Variants in RPS27L observed in about 807,000 individuals in gnomAD.
RPS27L encodes the protein ribosomal protein S27 like.
Under a neutral mutation model 12.8 loss-of-function variants are expected in RPS27L, and 10 were observed. The ratio of observed to expected loss-of-function variants is 0.78; its 90% confidence interval spans 0.48 to 1.33. The LOEUF (loss-of-function observed/expected upper bound fraction) is 1.33. Among genes scored for constraint, RPS27L ranks in the 40% most tolerant of loss-of-function variants. The pLI, the probability that RPS27L is intolerant of heterozygous loss-of-function variation, is 0.00. For missense variants in RPS27L, 81 were observed against 97.4 expected (o/e 0.83, Z 0.71); for synonymous variants, 26 against 32.3 (o/e 0.81, Z 0.66).
chr15:63,156,308 A>G, intron 2 of RPS27L, 105 bp downstream of exon 2: 1 of 608,300 alleles, frequency 1.6e-6, no homozygotes, highest in Non-Finnish European at 2.9e-6. Context: ...CTGTAATCCC[A>G]CTTCTACTCA....
chr15:63,157,381 C>A lies in RPS27L; in HGVS notation c.6+19G>T, dbSNP rs760820120. ...AAAGAAGCCCAAAACAAACCCGGAG[C>A]CCGATGTAAACAACTCACAGGCATG... On this transcript the variant is annotated intron_variant, in intron 1 of 3. Transcript: ENST00000330964. 1 of 1,613,976 alleles carries A rather than the reference C, an allele frequency of 6.2e-7. No homozygotes were observed.
rs1007026874 is a variant in RPS27L at position 63,153,971 on chromosome 15, T to C, written c.*61A>G. On this transcript the variant is annotated 3_prime_UTR_variant, in exon 4 of 4. Coordinates refer to ENST00000330964, the MANE Select transcript of RPS27L (RefSeq NM_015920.4). ...TGGTAAATTAATTAGAATTATGGAA[T>C]TTATGATAAGGCTTTCTGTGAGACA... 1 of 1,359,280 alleles carries C rather than the reference T, an allele frequency of 7.4e-7. No individual in the cohort carries two copies. The highest frequency in any genetic ancestry group is 1.4e-5 in the African/African-American group (1 of 69,284). 84.2% of individuals were successfully genotyped at this position (1,359,280 alleles called of 1,614,324 possible).
At chr15:63,155,598 T>C (rs1222872804) in intron 3 of RPS27L, 23 bp downstream of exon 3, 13 of 1,448,996 alleles carry the variant, frequency 9.0e-6, no homozygotes, top group African/African-American at 1.4e-5. Flanking sequence ...CATCACTGGG[T>C]TGGAGAATGC....
chr15:63,149,416 A>C lies in RPS27L; in HGVS notation c.*4616T>G, dbSNP rs950649971. 2.0e-5 allele frequency: 3 copies of C among 151,964 alleles called. No homozygotes were observed. The highest frequency in any genetic ancestry group is 7.2e-5 in the African/African-American group (3 of 41,396). The allele number at this position is 151,964 out of a possible 1,614,324, so 9.4% of individuals were successfully genotyped here. A position where few individuals can be genotyped will look rare whatever the true frequency, so the allele number is the denominator to read the frequency against. ...ATCTCTACTAAAAATACTTTAAAAAAATTAGCCCGGCGTGGTGGCACACGC... is the reference window on the plus strand; with the variant it reads ...ATCTCTACTAAAAATACTTTAAAAACATTAGCCCGGCGTGGTGGCACACGC... On this transcript the variant is annotated 3_prime_UTR_variant, in exon 4 of 4. Coordinates refer to ENST00000330964, the MANE Select transcript of RPS27L (RefSeq NM_015920.4).
Position 63,152,805 on chromosome 15 carries a change from A to C in RPS27L, c.*1227T>G, listed in dbSNP as rs2037308910. On this transcript the variant is annotated 3_prime_UTR_variant, in exon 4 of 4. Transcript: ENST00000330964. ...CCACTGCGCCCAGCCTTCCTTATAC[A>C]ACTATATACACCCCAAACTTGCCAT... 1 of 152,092 alleles carries C rather than the reference A, an allele frequency of 6.6e-6. No individual in the cohort carries two copies. The highest frequency in any genetic ancestry group is 2.4e-5 in the African/African-American group (1 of 41,368). The allele number at this position is 152,092 out of a possible 1,614,324, so 9.4% of individuals were successfully genotyped here.
chr15:63,156,509 A>C lies in RPS27L; in HGVS notation c.19T>G (p.Leu7Val). The change falls in exon 2 of 4, where the codon TTA (leucine) becomes GTA (valine). Residue 7 changes from leucine (L) to valine (V), a missense_variant. By Grantham distance (32) the Leu-to-Val change is conservative. Coordinates refer to ENST00000330964, the MANE Select transcript of RPS27L (RefSeq NM_015920.4). ...TCCTCTTCCAAGGACGGATGTAGTA[A>C]ATCTCTAGCCAACTGAACAAAGAAG... Reference protein sequence around the residue: MPLARDLLHPSLEEEKK... With the variant: MPLARDVLHPSLEEEKK... The C allele has an allele frequency of 6.2e-7, 1 of 1,600,054 alleles. No individual in the cohort carries two copies. Among genetic ancestry groups the C allele is most frequent in the Non-Finnish European group, 8.6e-7 (1 of 1,169,142 alleles).
chr15:63,155,461 T>C (rs1053802043), intron 3 of RPS27L, 160 bp downstream of exon 3: 4 of 495,548 alleles, frequency 8.1e-6, no homozygotes, highest in Non-Finnish European at 1.5e-5. Flanking sequence ...GTCAAGAGTA[T>C]AAATATATCC....
rs2037288509 is a variant in RPS27L, at chr15:63,149,829, T to C, written c.*4203A>G. ...GGCTCACACCTGTAATGCCAGCACT[T>C]TGGGAGGCTGAGGTGGGCGGATGGC... On this transcript the variant is annotated 3_prime_UTR_variant, in exon 4 of 4. Coordinates refer to ENST00000330964, the MANE Select transcript of RPS27L (RefSeq NM_015920.4). 6.6e-6 allele frequency: 1 copy of C among 152,144 alleles called. No homozygotes were observed. The highest frequency in any genetic ancestry group is 1.5e-5 in the Non-Finnish European group (1 of 68,066). 9.4% of individuals were successfully genotyped at this position (152,144 alleles called of 1,614,324 possible).
In RPS27L at chr15:63,149,733, A is replaced by G. The variant is rs989009605; in HGVS notation, c.*4299T>C. ...ACACCCTAATCCCCAGAACCTACGA[A>G]TATGTTACCTTACATAGCAAAATGG... is the stretch of plus-strand genomic sequence containing the variant. On this transcript the variant is annotated 3_prime_UTR_variant, in exon 4 of 4. Transcript: ENST00000330964. 6.6e-6 allele frequency: 1 copy of G among 152,150 alleles called. No homozygotes were observed. The highest frequency in any genetic ancestry group is 1.5e-5 in the Non-Finnish European group (1 of 68,028). The allele number at this position is 152,150 out of a possible 1,614,324, so 9.4% of individuals were successfully genotyped here. A position where few individuals can be genotyped will look rare whatever the true frequency, so the allele number is the denominator to read the frequency against.
chr15:63,153,000 A>G lies in RPS27L; in HGVS notation c.*1032T>C, dbSNP rs959650238. ...GAAACTGGACTATCTTCCTAGTCCAATGAGGAGTTGTATAGTGAGTGGATA... is the reference window on the plus strand; with the variant it reads ...GAAACTGGACTATCTTCCTAGTCCAGTGAGGAGTTGTATAGTGAGTGGATA... On this transcript the variant is annotated 3_prime_UTR_variant, in exon 4 of 4. Transcript: ENST00000330964. 6.6e-6 allele frequency: 1 copy of G among 152,226 alleles called. No individual in the cohort carries two copies. Among genetic ancestry groups the G allele is most frequent in the Non-Finnish European group, 1.5e-5 (1 of 68,040 alleles). The allele number at this position is 152,226 out of a possible 1,614,324, so 9.4% of individuals were successfully genotyped here.
Position 63,154,000 on chromosome 15 carries a change from C to G in RPS27L, c.*32G>C. 1.9e-6 allele frequency: 3 copies of G among 1,556,402 alleles called. No homozygotes were observed. Among genetic ancestry groups the G allele is most frequent in the Non-Finnish European group, 2.7e-6 (3 of 1,131,280 alleles). ...TGATAAGGCTTTCTGTGAGACAACA[C>G]AAAATTAAAATTCAGGAAGCTGTTT... On this transcript the variant is annotated 3_prime_UTR_variant, in exon 4 of 4. Transcript: ENST00000330964.
chr15:63,151,536 T>C lies in RPS27L; in HGVS notation c.*2496A>G, dbSNP rs528167090. 1 of 152,286 alleles carries C rather than the reference T, an allele frequency of 6.6e-6. No homozygotes were observed. The highest frequency in any genetic ancestry group is 2.4e-5 in the African/African-American group (1 of 41,560). The allele number at this position is 152,286 out of a possible 1,614,324, so 9.4% of individuals were successfully genotyped here. A position where few individuals can be genotyped will look rare whatever the true frequency, so the allele number is the denominator to read the frequency against. On this transcript the variant is annotated 3_prime_UTR_variant, in exon 4 of 4. Transcript: ENST00000330964. ...GGTGTGAGCCACCGCGCCCAGCCCT[T>C]AGATGTGGTCTTTAAAGTATAATCC...
intron 3 of RPS27L, 150 bp downstream of exon 3, chr15:63,155,471 C>T (rs2037326058): frequency 1.9e-6 from 1 of 515,688 alleles, no homozygotes; most frequent in Non-Finnish European, 3.5e-6. Flanking sequence ...TAAATATATC[C>T]ATTTGAACAG....
At position 63,157,395 on chromosome 15, in the gene RPS27L, C is replaced by T. The variant is rs1184477783; in HGVS notation, c.6+5G>A. 6.2e-7 allele frequency: 1 copy of T among 1,614,086 alleles called. No individual in the cohort carries two copies. The highest frequency in any genetic ancestry group is 8.5e-7 in the Non-Finnish European group (1 of 1,179,978). Reference sequence around the variant, plus strand: ...CAAACCCGGAGCCCGATGTAAACAACTCACAGGCATGTTGATCCTCTTGCA... The same window carrying T: ...CAAACCCGGAGCCCGATGTAAACAATTCACAGGCATGTTGATCCTCTTGCA... On this transcript the variant is annotated splice_donor_5th_base_variant and intron_variant, in intron 1 of 3. Coordinates refer to ENST00000330964, the MANE Select transcript of RPS27L (RefSeq NM_015920.4).
rs1259770056 is a variant in RPS27L at position 63,151,754 on chromosome 15, A to G, written c.*2278T>C. The G allele has an allele frequency of 6.6e-6, 1 of 152,200 alleles. No individual in the cohort carries two copies. Among genetic ancestry groups the G allele is most frequent in the Non-Finnish European group, 1.5e-5 (1 of 68,048 alleles). 9.4% of individuals were successfully genotyped at this position (152,200 alleles called of 1,614,324 possible). On this transcript the variant is annotated 3_prime_UTR_variant, in exon 4 of 4. Coordinates refer to ENST00000330964, the MANE Select transcript of RPS27L (RefSeq NM_015920.4). ...TGACACTGACGCATCTTTTGTATAA[A>G]CTACTAGTTCCAGGAAGTTCAGTTT...
chr15:63,149,549 G>C lies in RPS27L; in HGVS notation c.*4483C>G. 1.7e-5 allele frequency: 1 copy of C among 57,440 alleles called. No individual in the cohort carries two copies. Among genetic ancestry groups the C allele is most frequent in the East Asian group, 3.3e-4 (1 of 3,070 alleles). 3.6% of individuals were successfully genotyped at this position (57,440 alleles called of 1,614,324 possible). On this transcript the variant is annotated 3_prime_UTR_variant, in exon 4 of 4. Coordinates refer to ENST00000330964, the MANE Select transcript of RPS27L (RefSeq NM_015920.4). ...GCCACTGCACTTCAGCCTGGGCGACGGAGCAAGACTCCGTCTCAAAAAAAA... is the reference window on the plus strand; with the variant it reads ...GCCACTGCACTTCAGCCTGGGCGACCGAGCAAGACTCCGTCTCAAAAAAAA...
chr15:63,153,754 T>C lies in RPS27L; in HGVS notation c.*278A>G, dbSNP rs144741449. The C allele has an allele frequency of 8.4e-5, 26 of 308,956 alleles. No homozygotes were observed. The East Asian group carries it at 1.9e-3, about 22-fold the overall frequency. 19.1% of individuals were successfully genotyped at this position (308,956 alleles called of 1,614,324 possible). On this transcript the variant is annotated 3_prime_UTR_variant, in exon 4 of 4. Coordinates refer to ENST00000330964, the MANE Select transcript of RPS27L (RefSeq NM_015920.4). ...AAAAAAAAAAAAAGACACAAACTAA[T>C]CAGAATAAATTTTAAAATGTTTAAA...
At position 63,152,648 on chromosome 15, in the gene RPS27L, A is replaced by G. The variant is rs946224249; in HGVS notation, c.*1384T>C. The G allele has an allele frequency of 1.3e-5, 2 of 150,798 alleles. No individual in the cohort carries two copies. The highest frequency in any genetic ancestry group is 4.9e-5 in the African/African-American group (2 of 40,752). 9.3% of individuals were successfully genotyped at this position (150,798 alleles called of 1,614,324 possible). Reference sequence around the variant, plus strand: ...TTAGCTGAGATTACAGGCATGCACCACCACGCCCAGCTAATTTTGCATTTT... The same window carrying G: ...TTAGCTGAGATTACAGGCATGCACCGCCACGCCCAGCTAATTTTGCATTTT... On this transcript the variant is annotated 3_prime_UTR_variant, in exon 4 of 4. Coordinates refer to ENST00000330964, the MANE Select transcript of RPS27L (RefSeq NM_015920.4).
In RPS27L at chr15:63,155,646, T is replaced by C. The variant is rs758762387; in HGVS notation, c.201A>G (p.Thr67=). The C allele has an allele frequency of 1.0e-5, 16 of 1,594,220 alleles. No individual in the cohort carries two copies. The highest frequency in any genetic ancestry group is 1.1e-5 in the Non-Finnish European group (13 of 1,169,962). The change falls in exon 3 of 4, where the codon ACA becomes ACG. Residue 67 remains threonine (T), a synonymous_variant. Transcript: ENST00000330964. ...CTTCTGTGAGTCTGGCCTTTCCTCC[T>C]GTAGGCTGGCACAACACTGTTGAAC... is the stretch of plus-strand genomic sequence containing the variant. ...VGCSTVLCQP[T]GGKARLTEGC...
Sources: gnomAD v4.1 joint callset for allele counts on GRCh38, gnomAD v4.1.1 for gene constraint, MANE v1.5 for transcripts, NCBI Gene and HGNC (gene_info 2026-07-23, HGNC 2026-07-21) for gene names.